The following SPOCK1 variants were observed in gnomAD, a reference collection of about 807,000 sequenced individuals.
SPOCK1 encodes the protein SPARC (osteonectin), cwcv and kazal like domains proteoglycan 1.
In SPOCK1, 23 loss-of-function variants were observed where a neutral mutation model predicts 55.3. That is an observed-to-expected ratio of 0.42 (90% CI 0.30 to 0.59). SPOCK1 has a LOEUF of 0.59. Among genes scored for constraint, SPOCK1 ranks in the 20% least tolerant of loss-of-function variants. SPOCK1 has a pLI of 0.22. For missense variants in SPOCK1, 499 were observed against 552.5 expected (o/e 0.90, Z 0.97); for synonymous variants, 226 against 221.0 (o/e 1.02, Z -0.20).
intron 6 of SPOCK1, among the ~76,000 whole-genome samples, chr5:137,067,253 C>G (rs982304397): frequency 6.6e-6 from 1 of 152,168 alleles, no homozygotes; most frequent in Non-Finnish European, 1.5e-5. Flanking sequence ...TGTCCCCTGG[C>G]TCTGTGCTGC....
chr5:137,391,197 C>T lies in SPOCK1; in HGVS notation c.186+107176G>A, dbSNP rs145201654. 2.0e-3 allele frequency among the ~76,000 whole-genome samples: 305 copies of T among 152,254 alleles called. No individual in the cohort carries two copies. In the Middle Eastern group the frequency reaches 0.037, roughly 19 times the overall value. ...TTAGTTTGCTGAGAATGATGGTTTCCAGCTTTATACATGTCCCTGCAAAAG... is the reference window on the plus strand; with the variant it reads ...TTAGTTTGCTGAGAATGATGGTTTCTAGCTTTATACATGTCCCTGCAAAAG... On this transcript the variant is annotated intron_variant, in intron 2 of 10. Transcript: ENST00000394945.
intron 2 of SPOCK1, among the ~76,000 whole-genome samples, chr5:137,306,604 C>T (rs993104869): frequency 2.0e-5 from 3 of 151,986 alleles, no homozygotes; most frequent in African/African-American, 7.3e-5. Context: ...AAATTGATGT[C>T]ATATAAAGAG....
chr5:137,120,842 T>C (rs1203051949), intron 4 of SPOCK1, among the ~76,000 whole-genome samples: 1 of 152,224 alleles, frequency 6.6e-6, no homozygotes, highest in Non-Finnish European at 1.5e-5. Context: ...TCTACAGCAA[T>C]GCTTAAAGAA....
intron 6 of SPOCK1, among the ~76,000 whole-genome samples, chr5:137,062,968 C>T (rs1291246352): frequency 6.6e-6 from 1 of 152,018 alleles, no homozygotes; most frequent in Non-Finnish European, 1.5e-5. Context: ...GGCGCGGTGG[C>T]TCACGCCTGT....
chr5:137,276,979 T>C (rs544215729), intron 2 of SPOCK1, among the ~76,000 whole-genome samples: 3 of 152,152 alleles, frequency 2.0e-5, no homozygotes, highest in South Asian at 2.1e-4. Context: ...ATCAAAGTAA[T>C]AGTAATATTA....
intron 3 of SPOCK1, among the ~76,000 whole-genome samples, chr5:137,186,839 C>T (rs1304928219): frequency 6.6e-6 from 1 of 152,168 alleles, no homozygotes; most frequent in African/African-American, 2.4e-5. Context: ...TGTCACTCCA[C>T]TTCACAAAAC....
chr5:137,068,520 A>G (rs1752551208), intron 5 of SPOCK1, among the ~76,000 whole-genome samples: 1 of 152,184 alleles, frequency 6.6e-6, no homozygotes, highest in African/African-American at 2.4e-5. Context: ...AGCAATGGTA[A>G]TATTTTAGTC....
At chr5:137,200,233 T>C (rs1755400328) in intron 3 of SPOCK1, among the ~76,000 whole-genome samples, 1 of 152,210 alleles carries the variant, frequency 6.6e-6, no homozygotes. Flanking sequence ...TGCACCCTTT[T>C]GGGCCTCCGA....
intron 2 of SPOCK1, among the ~76,000 whole-genome samples, chr5:137,408,556 C>T (rs1752146758): frequency 6.6e-6 from 1 of 152,192 alleles, no homozygotes; most frequent in African/African-American, 2.4e-5. Context: ...GTCTCTAATC[C>T]AAACCCATTC....
chr5:137,486,247 C>G (rs1388470227), intron 2 of SPOCK1, among the ~76,000 whole-genome samples: 1 of 152,130 alleles, frequency 6.6e-6, no homozygotes, highest in Admixed American at 6.5e-5. Context: ...ACAGAAGTTG[C>G]CCATGTATGC....
At chr5:137,349,606 G>A (rs985421220) in intron 2 of SPOCK1, among the ~76,000 whole-genome samples, 3 of 152,212 alleles carry the variant, frequency 2.0e-5, no homozygotes, top group African/African-American at 7.2e-5. Context: ...GATGGAGGTT[G>A]GCAGGGCTGG....
At chr5:136,990,961 G>C (rs919518977) in intron 7 of SPOCK1, among the ~76,000 whole-genome samples, 3 of 152,060 alleles carry the variant, frequency 2.0e-5, no homozygotes, top group Non-Finnish European at 4.4e-5. Context: ...GACCAAGCAG[G>C]GTTCCAGGGC....
At chr5:137,191,130 G>A (rs1196338746) in intron 3 of SPOCK1, among the ~76,000 whole-genome samples, 1 of 152,194 alleles carries the variant, frequency 6.6e-6, no homozygotes, top group East Asian at 1.9e-4. Context: ...AGAAACAACA[G>A]GATATGGGAG....
At chr5:137,158,717 G>A (rs180879720) in intron 3 of SPOCK1, among the ~76,000 whole-genome samples, 8 of 152,140 alleles carry the variant, frequency 5.3e-5, no homozygotes, top group Admixed American at 2.0e-4. Context: ...CAGTGGCTGT[G>A]CCACAGAAGG....
chr5:137,428,727 C>T (rs1045505965), intron 2 of SPOCK1, among the ~76,000 whole-genome samples: 10 of 152,308 alleles, frequency 6.6e-5, no homozygotes, highest in African/African-American at 9.6e-5. Flanking sequence ...CCCACCCACC[C>T]GCAAAGACAG....
In SPOCK1 at chr5:136,977,932, CCAAA is replaced by C. The variant is rs35753805; in HGVS notation, c.*718_*721del. 0.28 allele frequency: 112,236 copies of C among 398,432 alleles called. 18,035 individuals carry two copies. Among genetic ancestry groups the C allele is most frequent in the Non-Finnish European group, 0.34 (77,430 of 225,818 alleles). 24.7% of individuals were successfully genotyped at this position (398,432 alleles called of 1,614,324 possible). A position where few individuals can be genotyped will look rare whatever the true frequency, so the allele number is the denominator to read the frequency against. On this transcript the variant is annotated 3_prime_UTR_variant, in exon 11 of 11. Coordinates refer to ENST00000394945, the MANE Select transcript of SPOCK1 (RefSeq NM_004598.4). ...ATTGTTTTTCGAGTTTTTAAGATAC[CCAAA>C]CACTTTTTCTGAGAGGTATGGGTGT...
At chr5:137,331,619 G>C (rs573721069) in intron 2 of SPOCK1, among the ~76,000 whole-genome samples, 1 of 152,174 alleles carries the variant, frequency 6.6e-6, no homozygotes, top group Non-Finnish European at 1.5e-5. Context: ...GGCAGGAATA[G>C]GCATGTCACA....
chr5:137,222,999 A>G (rs1489660334), intron 3 of SPOCK1, among the ~76,000 whole-genome samples: 1 of 152,150 alleles, frequency 6.6e-6, no homozygotes, highest in African/African-American at 2.4e-5. Context: ...GGAAGTGATA[A>G]TGAAAAAAAC....
intron 6 of SPOCK1, among the ~76,000 whole-genome samples, chr5:136,996,335 C>T (rs185562534): frequency 4.1e-4 from 63 of 152,270 alleles, no homozygotes; most frequent in African/African-American, 1.4e-3. Flanking sequence ...GGGGTCCTGG[C>T]GAGAGGAGCA....
Sources: gnomAD v4.1 joint callset for allele counts (sites outside exome capture counted in the v4.1 genomes callset) on GRCh38, gnomAD v4.1.1 for gene constraint, MANE v1.5 for transcripts, NCBI Gene and HGNC (gene_info 2026-07-23, HGNC 2026-07-21) for gene names.